ODAD2: variants seen among roughly 807,000 people sequenced by gnomAD.
ODAD2 encodes outer dynein arm-docking complex subunit 2.
Under a neutral mutation model 106.8 loss-of-function variants are expected in ODAD2, and 89 were observed. The observed-to-expected ratio is 0.83, with a 90% confidence interval of 0.70 to 0.99. The LOEUF (loss-of-function observed/expected upper bound fraction) is 0.99. Ranked by LOEUF, ODAD2 falls within the 50% of genes least tolerant of loss-of-function variation. ODAD2 has a pLI of 0.00. For synonymous variants in ODAD2, 404 were observed against 436.2 expected, an observed-to-expected ratio of 0.93 and a Z score of 0.92; for missense variants, 1,168 against 1,238.5, an observed-to-expected ratio of 0.94 and a Z score of 0.85.
rs1209937846 is a variant in ODAD2, at chr10:27,864,216, G to A, written c.2611-1594C>T. Among the ~76,000 whole-genome samples the A allele has an allele frequency of 2.0e-5, 3 of 151,384 alleles. No homozygotes were observed. The South Asian group carries it at 6.3e-4, about 32-fold the overall frequency. ...GCTTGCTTGGAGAAGATAGAGATGA[G>A]TGATTTGAGATGATTCCCACGTCTC... On this transcript the variant is annotated intron_variant, in intron 17 of 19. Coordinates refer to ENST00000305242, the MANE Select transcript of ODAD2 (RefSeq NM_018076.5).
intron 2 of ODAD2, among the ~76,000 whole-genome samples, chr10:27,994,406 A>T (rs1850423638): frequency 6.6e-6 from 1 of 152,096 alleles, no homozygotes. Context: ...ATACGGAAGT[A>T]CCCCATACAT....
intron 19 of ODAD2, among the ~76,000 whole-genome samples, chr10:27,814,309 A>T (rs1226924012): frequency 6.6e-6 from 1 of 152,170 alleles, no homozygotes; most frequent in Non-Finnish European, 1.5e-5. Context: ...CCCAGTGCAC[A>T]TTCCTCCCAG....
At chr10:27,972,507 CCTAA>C (rs1320928697) in intron 7 of ODAD2, among the ~76,000 whole-genome samples, 21 of 152,034 alleles carry the variant, frequency 1.4e-4, no homozygotes, top group African/African-American at 2.4e-4. Context: ...GAAAAGGAGA[CCTAA>C]CTATTTGTGG....
intron 16 of ODAD2, among the ~76,000 whole-genome samples, chr10:27,921,590 AT>A (rs1844782312): frequency 6.6e-6 from 1 of 151,956 alleles, no homozygotes; most frequent in Non-Finnish European, 1.5e-5. Flanking sequence ...CTATATGCAT[AT>A]ATAAATGGAT....
chr10:27,878,945 C>T (rs903614989), intron 17 of ODAD2, among the ~76,000 whole-genome samples: 2 of 152,126 alleles, frequency 1.3e-5, no homozygotes, highest in African/African-American at 2.4e-5. Context: ...AATTATTACC[C>T]TTGTCCTTGT....
At chr10:27,892,346 G>A (rs946218567) in intron 17 of ODAD2, among the ~76,000 whole-genome samples, 2 of 152,114 alleles carry the variant, frequency 1.3e-5, no homozygotes, top group Admixed American at 1.3e-4. Flanking sequence ...TTGACCTTCT[G>A]TTCTTGGGTT....
At chr10:27,839,598 T>A (rs1838163661) in intron 19 of ODAD2, among the ~76,000 whole-genome samples, 1 of 152,174 alleles carries the variant, frequency 6.6e-6, no homozygotes, top group Non-Finnish European at 1.5e-5. Context: ...ACTTTCTTAA[T>A]CATTAAGTAG....
intron 9 of ODAD2, among the ~76,000 whole-genome samples, chr10:27,963,167 C>G (rs1270082340): frequency 6.6e-6 from 1 of 152,108 alleles, no homozygotes; most frequent in East Asian, 1.9e-4. Context: ...GCCACCACAT[C>G]TGGCTAATTT....
chr10:27,863,818 A>AT (rs112482791), intron 17 of ODAD2, among the ~76,000 whole-genome samples: 2,325 of 148,010 alleles, frequency 0.016, 48 homozygotes, highest in African/African-American at 0.052. Context: ...AGAGAAGGTG[A>AT]TTTTTTTTTT....
chr10:27,988,341 T>C (rs1850008734), intron 2 of ODAD2, among the ~76,000 whole-genome samples: 1 of 148,598 alleles, frequency 6.7e-6, no homozygotes, highest in African/African-American at 2.5e-5. Flanking sequence ...ATCTAGCTTT[T>C]TTTTTTTTTT....
intron 16 of ODAD2, among the ~76,000 whole-genome samples, chr10:27,924,018 GAAA>G (rs1845033169): frequency 3.5e-4 from 49 of 141,856 alleles, no homozygotes; most frequent in East Asian, 1.0e-3. Flanking sequence ...AAGAAAGAAA[GAAA>G]GAAGGAAAGA....
chr10:27,992,540 A>G (rs1029125503), intron 2 of ODAD2, among the ~76,000 whole-genome samples: 2 of 152,012 alleles, frequency 1.3e-5, no homozygotes, highest in African/African-American at 4.8e-5. Flanking sequence ...AAATAGAAAA[A>G]TTGACCAGGC....
At chr10:27,884,501 G>T (rs545189500) in intron 17 of ODAD2, among the ~76,000 whole-genome samples, 1 of 152,092 alleles carries the variant, frequency 6.6e-6, no homozygotes, top group Non-Finnish European at 1.5e-5. Flanking sequence ...TCCTTCAGCC[G>T]GAAGGACCAA....
chr10:27,893,297 G>A (rs1842676611), intron 17 of ODAD2, among the ~76,000 whole-genome samples: 1 of 152,164 alleles, frequency 6.6e-6, no homozygotes, highest in African/African-American at 2.4e-5. Context: ...GTGTTCTAAT[G>A]TGTATAACAA....
intron 2 of ODAD2, among the ~76,000 whole-genome samples, chr10:27,989,385 C>T (rs1191065900): frequency 1.3e-5 from 2 of 152,126 alleles, no homozygotes; most frequent in Non-Finnish European, 1.5e-5. Context: ...CTAGACTTGC[C>T]AATGACATGC....
rs540712680 is a variant in ODAD2 at position 27,823,862 on chromosome 10, C to T, written c.3022-11237G>A. On this transcript the variant is annotated intron_variant, in intron 19 of 19. Transcript: ENST00000305242. ...CTATGTTCATAAAAATAGTTCAGGC[C>T]GGGCGCGGTGGCTCACGCCTGTAAT... Among the ~76,000 whole-genome samples the T allele has an allele frequency of 1.5e-4, 18 of 116,412 alleles. 2 individuals are homozygous for T. The highest frequency in any genetic ancestry group is 2.8e-4 in the Admixed American group (3 of 10,900). The allele number at this position is 116,412 out of a possible 152,430, so 76.4% of individuals were successfully genotyped here. A position where few individuals can be genotyped will look rare whatever the true frequency, so the allele number is the denominator to read the frequency against.
At chr10:27,828,595 A>G (rs1472925991) in intron 19 of ODAD2, among the ~76,000 whole-genome samples, 1 of 152,204 alleles carries the variant, frequency 6.6e-6, no homozygotes, top group African/African-American at 2.4e-5. Flanking sequence ...TAATATCCCT[A>G]CTTAATGCAG....
chr10:27,963,011 C>CT lies in ODAD2; in HGVS notation c.1239-1297dup, dbSNP rs375508125. ...AGTTTTGTCTATTTTGCCCTGTGTA[C>CT]TTTTTTTTTTTTTTTAGACGAGATC... On this transcript the variant is annotated intron_variant, in intron 9 of 19. Transcript: ENST00000305242. Among the ~76,000 whole-genome samples, 1,352 of 142,228 alleles carry CT rather than the reference C, an allele frequency of 9.5e-3. 9 individuals are homozygous for CT. The highest frequency in any genetic ancestry group is 0.013 in the Non-Finnish European group (831 of 64,454). The allele number at this position is 142,228 out of a possible 152,430, so 93.3% of individuals were successfully genotyped here. A position where few individuals can be genotyped will look rare whatever the true frequency, so the allele number is the denominator to read the frequency against.
intron 10 of ODAD2, among the ~76,000 whole-genome samples, chr10:27,948,405 C>T (rs1350504430): frequency 6.6e-6 from 1 of 152,144 alleles, no homozygotes; most frequent in Non-Finnish European, 1.5e-5. Context: ...TACAGAGCCA[C>T]AAATGTTAGC....
Sources: allele counts gnomAD v4.1 joint callset (sites outside exome capture counted in the v4.1 genomes callset), GRCh38; gene constraint gnomAD v4.1.1; transcripts MANE v1.5; gene names NCBI Gene and HGNC (gene_info 2026-07-23, HGNC 2026-07-21).